FHAD1: variants seen among roughly 807,000 people sequenced by gnomAD.
FHAD1 encodes the protein forkhead-associated domain-containing protein 1.
Under a neutral mutation model 191.3 loss-of-function variants are expected in FHAD1, and 146 were observed. The ratio of observed to expected loss-of-function variants is 0.76; its 90% CI spans 0.67 to 0.88. FHAD1 has a LOEUF of 0.88. Among genes scored for constraint, FHAD1 ranks in the 40% least tolerant of loss-of-function variants. The probability of loss-of-function intolerance (pLI) is 0.00; values close to 1 mark genes in which losing one functional copy is unlikely to be tolerated. For missense variants in FHAD1, 1,635 were observed against 1,785.8 expected (o/e 0.92, Z 1.52); for synonymous variants, 616 against 672.3 (o/e 0.92, Z 1.29).
chr1:15,344,047 C>T (rs1322009041), intron 16 of FHAD1, among the ~76,000 whole-genome samples: 1 of 152,184 alleles, frequency 6.6e-6, no homozygotes, highest in Non-Finnish European at 1.5e-5. Context: ...AACCTGAAAA[C>T]CTCGGTGCAC....
chr1:15,398,566 C>A (rs969877080), downstream of FHAD1, among the ~76,000 whole-genome samples: 1 of 152,078 alleles, frequency 6.6e-6, no homozygotes, highest in Non-Finnish European at 1.5e-5. Context: ...ACTGTCCATT[C>A]GGATACACCA....
chr1:15,275,528 T>G (rs1200838822), intron 3 of FHAD1, among the ~76,000 whole-genome samples: 1 of 152,148 alleles, frequency 6.6e-6, no homozygotes, highest in African/African-American at 2.4e-5. Context: ...TTTCAGAGCA[T>G]TCCTAGATCA....
chr1:15,354,384 A>G (rs1355629774), intron 20 of FHAD1, among the ~76,000 whole-genome samples: 1 of 152,174 alleles, frequency 6.6e-6, no homozygotes, highest in Non-Finnish European at 1.5e-5. Flanking sequence ...AGTCTTTAAG[A>G]GGGGCCTTGA....
chr1:15,382,233 C>G (rs577994266), intron 31 of FHAD1, 40 bp downstream of exon 31: 1 of 1,539,662 alleles, frequency 6.5e-7, no homozygotes, highest in Middle Eastern at 2.3e-4. Context: ...CCCAGGCTGC[C>G]CTGCAGCTCC....
At chr1:15,375,982 G>A (rs1029276060) in intron 28 of FHAD1, among the ~76,000 whole-genome samples, 2 of 151,688 alleles carry the variant, frequency 1.3e-5, no homozygotes, top group African/African-American at 4.8e-5. Context: ...GAAGCATGGC[G>A]GGCCCCCTTT....
At chr1:15,374,660 G>A (rs1699046827) in intron 27 of FHAD1, 29 bp downstream of exon 27, 1 of 1,549,482 alleles carries the variant, frequency 6.5e-7, no homozygotes, top group Non-Finnish European at 8.7e-7. Flanking sequence ...AGTCAGAGCA[G>A]TGGACCCCAG....
intron 3 of FHAD1, among the ~76,000 whole-genome samples, chr1:15,284,708 T>C (rs1231966767): frequency 1.3e-5 from 2 of 152,036 alleles, no homozygotes. Flanking sequence ...AAGGAGATCA[T>C]CCGGAAACAA....
chr1:15,284,010 C>T (rs753958932), intron 3 of FHAD1, among the ~76,000 whole-genome samples: 1 of 152,164 alleles, frequency 6.6e-6, no homozygotes, highest in Non-Finnish European at 1.5e-5. Flanking sequence ...GGCTTCAGGA[C>T]CTGGGGCAAG....
At chr1:15,394,310 T>C (rs1705208490) in intron 33 of FHAD1, among the ~76,000 whole-genome samples, 1 of 152,158 alleles carries the variant, frequency 6.6e-6, no homozygotes, top group African/African-American at 2.4e-5. Context: ...GCTCCAACTC[T>C]GACAGCCAAC....
chr1:15,331,036 T>C (rs1681110122), intron 14 of FHAD1, among the ~76,000 whole-genome samples: 1 of 151,986 alleles, frequency 6.6e-6, no homozygotes, highest in Non-Finnish European at 1.5e-5. Flanking sequence ...CAGGCCTCAG[T>C]GGTAGGACTG....
intron 32 of FHAD1, among the ~76,000 whole-genome samples, chr1:15,389,385 G>T (rs925747669): frequency 6.9e-6 from 1 of 143,966 alleles, no homozygotes; most frequent in Admixed American, 7.1e-5. Context: ...CTTCAAGGTT[G>T]CGATGAGCCA....
Position 15,360,707 on chromosome 1 carries a change from A to C in FHAD1, c.2962+4A>C, listed in dbSNP as rs1020252876. The C allele has an allele frequency of 2.6e-6, 4 of 1,550,854 alleles. No homozygotes were observed. In the South Asian group the frequency reaches 4.8e-5, roughly 18 times the overall value. On this transcript the variant is annotated splice_donor_region_variant and intron_variant, in intron 22 of 33. Transcript: ENST00000688493. The stretch of plus-strand genomic sequence containing the variant: ...ACATTGAAGGACAATGACCCAGGTA[A>C]GTCCGAAGGGAGGCCAAGGAAATCT...
chr1:15,383,795 C>A (rs867557021), intron 31 of FHAD1: 1 of 385,846 alleles, frequency 2.6e-6, no homozygotes, highest in South Asian at 1.9e-5. Context: ...TACGATGATC[C>A]CTATTTTACA....
chr1:15,312,997 G>C lies in FHAD1; in HGVS notation c.1040-60G>C. 6.5e-7 allele frequency: 1 copy of C among 1,539,232 alleles called. No individual in the cohort carries two copies. Among genetic ancestry groups the C allele is most frequent in the Non-Finnish European group, 8.8e-7 (1 of 1,139,232 alleles). ...GGCTCGTCACAAACTGGTTGACAGC[G>C]GCAGCGATGACAGTCATCCTCACTG... On this transcript the variant is annotated intron_variant, in intron 7 of 33. Transcript: ENST00000688493. The surrounding 1 kb of genome is among the most constrained non-coding windows in gnomAD (Gnocchi z 4.7).
chr1:15,251,823 C>G lies in FHAD1; in HGVS notation c.39C>G (p.Val13=). 6 of 1,551,974 alleles carry G rather than the reference C, an allele frequency of 3.9e-6. No homozygotes were observed. Among genetic ancestry groups the G allele is most frequent in the Non-Finnish European group, 5.2e-6 (6 of 1,147,044 alleles). ...AYLKSAEGFF[V]LNKSTTIGRH... ...TAAAGAGCGCAGAAGGCTTTTTTGTCCTAAATAAAAGTACCACAATTGGAA... is the reference window on the plus strand; with the variant it reads ...TAAAGAGCGCAGAAGGCTTTTTTGTGCTAAATAAAAGTACCACAATTGGAA... Residue 13 remains valine (V), a synonymous_variant, in exon 2 of 34, where the codon GTC becomes GTG. Coordinates refer to ENST00000688493, the MANE Select transcript of FHAD1 (RefSeq NM_001391957.1).
rs1177532321 is a variant in FHAD1, at chr1:15,339,519, A to G, written c.1945A>G (p.Lys649Glu). 6.2e-6 allele frequency: 8 copies of G among 1,287,982 alleles called. No individual in the cohort carries two copies. The South Asian group carries it at 1.0e-4, about 16-fold the overall frequency. The allele number at this position is 1,287,982 out of a possible 1,614,324, so 79.8% of individuals were successfully genotyped here. The stretch of plus-strand genomic sequence containing the variant: ...TCTGATATATCTTCTGGAACATTAT[A>G]AAAAACTTATGAGCCAGGCCCAGGA... The part of the protein sequence containing the change: ...LYLIYLLEHY[K>E]KLMSQAQELQ... Residue 649 changes from lysine to glutamate, a missense_variant, in exon 15 of 34, where the codon AAA (lysine) becomes GAA (glutamate). Coordinates refer to ENST00000688493, the MANE Select transcript of FHAD1 (RefSeq NM_001391957.1).
intron 5 of FHAD1, among the ~76,000 whole-genome samples, chr1:15,298,535 T>G (rs1320533280): frequency 1.3e-5 from 2 of 152,182 alleles, no homozygotes; most frequent in Non-Finnish European, 2.9e-5. Context: ...ATCCTGGGCT[T>G]CTTCATAGCA....
At chr1:15,265,562 T>C (rs1653036899) in intron 2 of FHAD1, among the ~76,000 whole-genome samples, 1 of 152,200 alleles carries the variant, frequency 6.6e-6, no homozygotes, top group African/African-American at 2.4e-5. Context: ...CAAAACTTCC[T>C]CCTGGCTTTG....
intron 2 of FHAD1, among the ~76,000 whole-genome samples, chr1:15,264,935 G>C (rs1032531360): frequency 3.9e-5 from 6 of 152,142 alleles, no homozygotes; most frequent in Non-Finnish European, 8.8e-5. Context: ...AGATAGTCAC[G>C]TGGTTCTTCC....
Sources: allele counts gnomAD v4.1 joint callset (sites outside exome capture counted in the v4.1 genomes callset), GRCh38; gene constraint gnomAD v4.1.1; non-coding constraint Gnocchi (gnomAD v3.1); transcripts MANE v1.5; gene names NCBI Gene and HGNC (gene_info 2026-07-23, HGNC 2026-07-21).